Variants in WWC1 observed in about 807,000 individuals in gnomAD.
WWC1 encodes WW and C2 domain containing 1.
WWC1 carries 55 observed loss-of-function variants against 138.4 expected under a neutral mutation model. That is an observed-to-expected ratio of 0.40 (90% CI 0.32 to 0.50). The LOEUF (loss-of-function observed/expected upper bound fraction) is 0.50, where lower values mean the gene tolerates loss of function less well. Ranked by LOEUF, WWC1 falls within the 20% of genes least tolerant of loss-of-function variation. WWC1 has a pLI of 0.72. For synonymous variants in WWC1, 524 were observed against 564.9 expected (o/e 0.93, Z 1.03); for missense variants, 1,226 against 1,420.4 (o/e 0.86, Z 2.20).
At chr5:168,326,129 G>A (rs911429562) in intron 1 of WWC1, among the ~76,000 whole-genome samples, 4 of 151,740 alleles carry the variant, frequency 2.6e-5, no homozygotes, top group Non-Finnish European at 5.9e-5. Flanking sequence ...TGAGTGGACA[G>A]TAATGATTTT....
chr5:168,308,005 CTG>C (rs1368366324), intron 1 of WWC1, among the ~76,000 whole-genome samples: 3 of 152,190 alleles, frequency 2.0e-5, no homozygotes, highest in African/African-American at 7.2e-5. Context: ...TTGCCTTTGA[CTG>C]TTTGGTGCCT....
intron 1 of WWC1, among the ~76,000 whole-genome samples, chr5:168,365,097 G>T (rs2152802842): frequency 6.6e-6 from 1 of 152,320 alleles, no homozygotes; most frequent in Non-Finnish European, 1.5e-5. Context: ...GTTCATTCTG[G>T]CCTCCCCGGA....
chr5:168,456,480 A>G (rs2152887513), intron 19 of WWC1, among the ~76,000 whole-genome samples: 1 of 152,194 alleles, frequency 6.6e-6, no homozygotes, highest in Admixed American at 6.5e-5. Flanking sequence ...TAAAAATGCA[A>G]AAAATTAGTG....
In WWC1 at chr5:168,452,838, C is replaced by T. The variant is rs1212439263; in HGVS notation, c.2526-1130C>T. Among the ~76,000 whole-genome samples, 8 of 152,200 alleles carry T rather than the reference C, an allele frequency of 5.3e-5. 1 individual carries two copies. The highest frequency in any genetic ancestry group is 1.9e-4 in the East Asian group (1 of 5,184). On this transcript the variant is annotated intron_variant, in intron 17 of 22. Coordinates refer to ENST00000265293, the MANE Select transcript of WWC1 (RefSeq NM_015238.3). The stretch of plus-strand genomic sequence containing the variant: ...TCCTCAACCACCCGCCTCGTTCCAA[C>T]GTTTGGAAGCCCTACCCTGGGTGCA...
chr5:168,469,349 G>T lies in WWC1; in HGVS notation c.*332G>T. The T allele has an allele frequency of 3.5e-6, 1 of 285,266 alleles. No individual in the cohort carries two copies. The highest frequency in any genetic ancestry group is 6.7e-6 in the Non-Finnish European group (1 of 150,010). The allele number at this position is 285,266 out of a possible 1,614,324, so 17.7% of individuals were successfully genotyped here. A position where few individuals can be genotyped will look rare whatever the true frequency, so the allele number is the denominator to read the frequency against. ...TTGAGTTGCTGCTCTTCTTAAAATC[G>T]TTTAGATTTTTTTTGGTTTGTACAG... is the stretch of plus-strand genomic sequence containing the variant. On this transcript the variant is annotated 3_prime_UTR_variant, in exon 23 of 23. Transcript: ENST00000265293.
At chr5:168,349,749 G>T (rs1432661186) in intron 1 of WWC1, among the ~76,000 whole-genome samples, 1 of 152,110 alleles carries the variant, frequency 6.6e-6, no homozygotes, top group Non-Finnish European at 1.5e-5. Context: ...GGCTGGGAGT[G>T]GGGTTGGCTG....
chr5:168,414,639 C>T, intron 9 of WWC1, 49 bp downstream of exon 9: 1 of 1,501,532 alleles, frequency 6.7e-7, no homozygotes, highest in Non-Finnish European at 8.9e-7. Context: ...CACTGGCAGT[C>T]TGTCCTCAGC....
Position 168,373,785 on chromosome 5 carries a change from G to A in WWC1, c.229+2252G>A, listed in dbSNP as rs184207627. On this transcript the variant is annotated intron_variant, in intron 2 of 22. Transcript: ENST00000265293. ...GGGTGTGCTGGGCGCAGTGGCTCAC[G>A]CCTGTAATCCCAGCACTTTGGGAGG... Among the ~76,000 whole-genome samples, 11 of 131,452 alleles carry A rather than the reference G, an allele frequency of 8.4e-5. No individual in the cohort carries two copies. In the East Asian group the frequency reaches 2.6e-3, roughly 30 times the overall value. 86.2% of individuals were successfully genotyped at this position (131,452 alleles called of 152,430 possible). A position where few individuals can be genotyped will look rare whatever the true frequency, so the allele number is the denominator to read the frequency against.
intron 1 of WWC1, among the ~76,000 whole-genome samples, chr5:168,346,271 C>T (rs1326840038): frequency 6.6e-6 from 1 of 152,134 alleles, no homozygotes; most frequent in Non-Finnish European, 1.5e-5. Context: ...TAAGGAGATA[C>T]AAGATACTTA....
chr5:168,307,595 AC>A (rs1176236405), intron 1 of WWC1, among the ~76,000 whole-genome samples: 25 of 103,090 alleles, frequency 2.4e-4, no homozygotes, highest in Non-Finnish European at 3.7e-4. Context: ...CTTTGATTTT[AC>A]CCTTTTTTTT....
At chr5:168,329,959 A>T (rs1772888648) in intron 1 of WWC1, among the ~76,000 whole-genome samples, 1 of 151,744 alleles carries the variant, frequency 6.6e-6, no homozygotes, top group Admixed American at 6.6e-5. Context: ...AAAATACAAA[A>T]ATTAGCCGGG....
At chr5:168,441,925 G>A (rs3948557) in intron 16 of WWC1, 91 bp downstream of exon 16, 861,113 of 1,497,566 alleles carry the variant, frequency 0.58, 257,703 homozygotes, top group East Asian at 1. Flanking sequence ...GTGATCAGGC[G>A]TCATGAGAGG....
At chr5:168,304,859 A>G (rs1355849872) in intron 1 of WWC1, among the ~76,000 whole-genome samples, 2 of 144,732 alleles carry the variant, frequency 1.4e-5, no homozygotes, top group Non-Finnish European at 3.0e-5. Context: ...GTGGAGTCTC[A>G]CTCTCACCCA....
intron 1 of WWC1, among the ~76,000 whole-genome samples, chr5:168,308,614 G>T (rs1248932026): frequency 1.3e-5 from 2 of 152,120 alleles, no homozygotes; most frequent in Non-Finnish European, 2.9e-5. Flanking sequence ...AAAGAGAGTG[G>T]CTCAAATGCA....
In WWC1 at chr5:168,314,739, G is replaced by C. The variant is rs1053044099; in HGVS notation, c.119+22468G>C. Among the ~76,000 whole-genome samples the C allele has an allele frequency of 3.3e-5, 5 of 152,182 alleles. No individual in the cohort carries two copies. The South Asian group carries it at 1.0e-3, about 32-fold the overall frequency. On this transcript the variant is annotated intron_variant, in intron 1 of 22. Coordinates refer to ENST00000265293, the MANE Select transcript of WWC1 (RefSeq NM_015238.3). ...GGGAAGCCAGAGGTGGGCTCCAGGT[G>C]TGGGACTGGGTACAGGTGGGGACAA...
At chr5:168,446,573 G>A (rs1283251559) in intron 17 of WWC1, among the ~76,000 whole-genome samples, 2 of 152,196 alleles carry the variant, frequency 1.3e-5, no homozygotes, top group Non-Finnish European at 2.9e-5. Flanking sequence ...TGAATTTTCA[G>A]AAAGCAAAAC....
intron 1 of WWC1, among the ~76,000 whole-genome samples, chr5:168,365,348 CAGAG>C (rs958609881): frequency 1.2e-4 from 18 of 152,132 alleles, no homozygotes; most frequent in Non-Finnish European, 2.2e-4. Context: ...AGCCAGCCCT[CAGAG>C]AGAGCAGGCC....
At chr5:168,321,717 A>G (rs1402809618) in intron 1 of WWC1, among the ~76,000 whole-genome samples, 1 of 151,874 alleles carries the variant, frequency 6.6e-6, no homozygotes, top group Non-Finnish European at 1.5e-5. Context: ...TTGTATTTTT[A>G]GTAGAGACAG....
intron 1 of WWC1, among the ~76,000 whole-genome samples, chr5:168,337,917 G>C (rs144849512): frequency 1.2e-4 from 18 of 152,296 alleles, no homozygotes; most frequent in Admixed American, 1.3e-4. Flanking sequence ...GGGATGAGGA[G>C]AGAAAGAAGG....
Sources: gnomAD v4.1 joint callset for allele counts (sites outside exome capture counted in the v4.1 genomes callset) on GRCh38, gnomAD v4.1.1 for gene constraint, MANE v1.5 for transcripts, NCBI Gene and HGNC (gene_info 2026-07-23, HGNC 2026-07-21) for gene names.